SGSM3: variants seen among roughly 807,000 people sequenced by gnomAD.
SGSM3 encodes the protein small G protein signaling modulator 3, also known as RUN and SH3 containing 3.
In SGSM3, 96 loss-of-function variants were observed where a neutral mutation model predicts 100.5. That is an observed-to-expected ratio of 0.96 (90% CI 0.81 to 1.13). The LOEUF (loss-of-function observed/expected upper bound fraction) is 1.13, where lower values mean the gene tolerates loss of function less well. Among genes scored for constraint, SGSM3 ranks in the 50% most tolerant of loss-of-function variants. The pLI, the probability that SGSM3 is intolerant of heterozygous loss-of-function variation, is 0.00. For missense variants in SGSM3, 1,001 were observed against 1,015.8 expected (o/e 0.99, Z 0.20); for synonymous variants, 483 against 422.8 (o/e 1.14, Z -1.75).
intron 2 of SGSM3, among the ~76,000 whole-genome samples, chr22:40,401,206 G>C (rs2050710158): frequency 6.6e-6 from 1 of 152,146 alleles, no homozygotes; most frequent in Non-Finnish European, 1.5e-5. Flanking sequence ...GGTGCTCTTA[G>C]AGGGAGAGGG....
rs1389157498 is a variant in SGSM3 at position 40,404,400 on chromosome 22, C to G, written c.311C>G (p.Ser104Cys). Residue 104 changes from serine to cysteine, a missense_variant, in exon 5 of 22, where the codon TCT becomes TGT. By Grantham distance (112) the Ser-to-Cys change is moderately radical (BLOSUM62 -1). Coordinates refer to ENST00000248929, the MANE Select transcript of SGSM3 (RefSeq NM_015705.6). Reference protein sequence around the residue: ...WDKIAVSLPRSEKLRSLVLAG... With the variant: ...WDKIAVSLPRCEKLRSLVLAG... The stretch of plus-strand genomic sequence containing the variant: ...AAGATTGCCGTCTCCCTACCCCGCT[C>G]TGAGAAGCTCCGCTCCCTGGTGCTG... 6.2e-7 allele frequency: 1 copy of G among 1,608,724 alleles called. No individual in the cohort carries two copies. Among genetic ancestry groups the G allele is most frequent in the East Asian group, 2.2e-5 (1 of 44,830 alleles).
At chr22:40,385,402 G>T (rs996296100) in intron 1 of SGSM3, among the ~76,000 whole-genome samples, 4 of 152,180 alleles carry the variant, frequency 2.6e-5, no homozygotes, top group South Asian at 2.1e-4. Flanking sequence ...CTAAGTATTT[G>T]CAGTGGACAC....
intron 8 of SGSM3, 30 bp from the exon 9 acceptor site, chr22:40,406,048 C>T: frequency 1.2e-6 from 2 of 1,605,772 alleles, no homozygotes; most frequent in East Asian, 2.2e-5. Context: ...ACCACCTCCT[C>T]CCCAGCGGCT....
At chr22:40,398,093 G>A (rs1280525616) in intron 1 of SGSM3, among the ~76,000 whole-genome samples, 32 of 148,862 alleles carry the variant, frequency 2.1e-4, no homozygotes, top group Non-Finnish European at 4.3e-4. Flanking sequence ...TCGGCCTCCC[G>A]AGTAGCTGGG....
intron 1 of SGSM3, among the ~76,000 whole-genome samples, chr22:40,394,614 T>C (rs1473184864): frequency 1.4e-5 from 2 of 142,792 alleles, no homozygotes; most frequent in Non-Finnish European, 3.0e-5. Context: ...CACTGCACTC[T>C]AGCCTGGGTG....
chr22:40,406,377 C>G (rs981109066), intron 9 of SGSM3, 61 bp from the exon 10 acceptor site: 14 of 1,497,202 alleles, frequency 9.4e-6, no homozygotes, highest in Non-Finnish European at 9.0e-6. Flanking sequence ...TTGGGGTCAG[C>G]TCAGTGCCAC....
intron 1 of SGSM3, among the ~76,000 whole-genome samples, chr22:40,393,180 G>A (rs537309527): frequency 7.9e-5 from 12 of 152,264 alleles, no homozygotes; most frequent in Middle Eastern, 3.4e-3. Flanking sequence ...GCAGTGGCGC[G>A]ATCGTGGCTC....
chr22:40,409,401 G>A (rs2052231197), intron 20 of SGSM3, 29 bp downstream of exon 20: 3 of 1,579,092 alleles, frequency 1.9e-6, no homozygotes, highest in Non-Finnish European at 2.6e-6. Context: ...TTGGGGGATG[G>A]AGGTGGGGTG....
At chr22:40,400,939 C>A in intron 2 of SGSM3, 126 bp downstream of exon 2, 1 of 925,902 alleles carries the variant, frequency 1.1e-6, no homozygotes, top group Non-Finnish European at 1.6e-6. Context: ...GTAGGGAAGG[C>A]TTCTGGCTGG....
At chr22:40,403,100 C>A (rs752490476) in intron 4 of SGSM3, among the ~76,000 whole-genome samples, 1 of 152,234 alleles carries the variant, frequency 6.6e-6, no homozygotes, top group Non-Finnish European at 1.5e-5. Context: ...TTGGCTGGGT[C>A]AGTGGAGTCA....
chr22:40,396,762 G>A (rs945814122), intron 1 of SGSM3, among the ~76,000 whole-genome samples: 1 of 152,112 alleles, frequency 6.6e-6, no homozygotes, highest in Non-Finnish European at 1.5e-5. Context: ...TGAATGGGGG[G>A]CCATATCCCT....
Position 40,410,165 on chromosome 22 carries a change from T to G in SGSM3, c.*406T>G, listed in dbSNP as rs1361592908. The G allele has an allele frequency of 9.2e-7, 1 of 1,091,148 alleles. No homozygotes were observed. The highest frequency in any genetic ancestry group is 1.6e-5 in the African/African-American group (1 of 61,328). The allele number at this position is 1,091,148 out of a possible 1,614,324, so 67.6% of individuals were successfully genotyped here. On this transcript the variant is annotated 3_prime_UTR_variant, in exon 22 of 22. Coordinates refer to ENST00000248929, the MANE Select transcript of SGSM3 (RefSeq NM_015705.6). ...GCAGAGCTGTATTCAGGTCCAAGGT[T>G]CTGCCCTTCCTTGAGTGGTCTAGAA... is the stretch of plus-strand genomic sequence containing the variant.
rs1410589585 is a variant in SGSM3, at chr22:40,406,580, C to T, written c.1103C>T (p.Thr368Ile). ...TCCCTCACCGATGTGGCCGTGGAGA[C>T]TCAGCGCCGCAAGCACCTGGCCTAT... ...AGSLTDVAVE[T>I]QRRKHLAYLI... Residue 368 changes from threonine to isoleucine, a missense_variant, in exon 10 of 22, where the codon ACT becomes ATT. Physicochemically the swap from Thr to Ile is moderately conservative, Grantham distance 89. Transcript: ENST00000248929. 1 of 1,612,846 alleles carries T rather than the reference C, an allele frequency of 6.2e-7. No homozygotes were observed. Among genetic ancestry groups the T allele is most frequent in the Non-Finnish European group, 8.5e-7 (1 of 1,179,792 alleles).
intron 4 of SGSM3, among the ~76,000 whole-genome samples, chr22:40,403,631 G>C (rs1200797926): frequency 6.6e-6 from 1 of 152,210 alleles, no homozygotes; most frequent in East Asian, 1.9e-4. Flanking sequence ...GAAAATGGCA[G>C]GGGGTGAGGA....
chr22:40,380,675 C>A (rs937109505), intron 1 of SGSM3, among the ~76,000 whole-genome samples: 1 of 152,180 alleles, frequency 6.6e-6, no homozygotes, highest in African/African-American at 2.4e-5. Context: ...CTGGCTCACA[C>A]CTGTAATCCC....
chr22:40,387,263 T>C, intron 1 of SGSM3: 1 of 398,554 alleles, frequency 2.5e-6, no homozygotes, highest in Non-Finnish European at 4.4e-6. Flanking sequence ...CAGAGTATAA[T>C]AGCATATATA....
chr22:40,406,391 C>T (rs1324540424), intron 9 of SGSM3, 47 bp from the exon 10 acceptor site: 1 of 1,509,754 alleles, frequency 6.6e-7, no homozygotes, highest in Non-Finnish European at 8.9e-7. Context: ...GTGCCACGTC[C>T]CTGCAATGAC....
intron 1 of SGSM3, among the ~76,000 whole-genome samples, chr22:40,382,563 T>G (rs976688142): frequency 6.6e-6 from 1 of 152,152 alleles, no homozygotes; most frequent in African/African-American, 2.4e-5. Context: ...GGGAACAAGG[T>G]GAAAATGCAT....
chr22:40,398,751 A>G (rs2050363590), intron 1 of SGSM3, among the ~76,000 whole-genome samples: 1 of 141,192 alleles, frequency 7.1e-6, no homozygotes, highest in Non-Finnish European at 1.5e-5. Flanking sequence ...TTTTAGGACT[A>G]CTAATTGCCT....
Sources: gnomAD v4.1 joint callset for allele counts (sites outside exome capture counted in the v4.1 genomes callset) on GRCh38, gnomAD v4.1.1 for gene constraint, MANE v1.5 for transcripts, NCBI Gene and HGNC (gene_info 2026-07-23, HGNC 2026-07-21) for gene names.